The following MYZAP variants were observed in gnomAD, a reference collection of about 807,000 sequenced individuals.
MYZAP encodes myocardial zonula adherens protein, also known as GRINL1A complex locus upstream.
MYZAP carries 66 observed loss-of-function variants against 69.4 expected under a neutral mutation model. The observed-to-expected ratio is 0.95, with a 90% CI of 0.78 to 1.17. MYZAP has a LOEUF of 1.17. Among genes scored for constraint, MYZAP ranks in the 50% most tolerant of loss-of-function variants. MYZAP has a pLI of 0.00. For synonymous variants in MYZAP, 256 were observed against 205.9 expected (o/e 1.24, Z -2.09); for missense variants, 611 against 556.2 (o/e 1.10, Z -0.99).
chr15:57,660,834 A>G (rs2038255899), intron 10 of MYZAP, among the ~76,000 whole-genome samples: 3 of 152,190 alleles, frequency 2.0e-5, no homozygotes, highest in Non-Finnish European at 4.4e-5. Context: ...AAGATAGAAT[A>G]TATTATAAAA....
rs756584216 is a variant in MYZAP at position 57,684,352 on chromosome 15, G to A, written c.1305-50G>A. The stretch of plus-strand genomic sequence containing the variant: ...TTGTCTTACCATGTGAAGCATATGG[G>A]GGGTTTTGTTTTGTTTCATTTTCCT... On this transcript the variant is annotated intron_variant, in intron 12 of 12. Coordinates refer to ENST00000267853, the MANE Select transcript of MYZAP (RefSeq NM_001018100.5). 23 of 1,202,890 alleles carry A rather than the reference G, an allele frequency of 1.9e-5. No homozygotes were observed. In the Admixed American group the frequency reaches 2.8e-4, roughly 15 times the overall value. 74.5% of individuals were successfully genotyped at this position (1,202,890 alleles called of 1,614,324 possible).
At chr15:57,606,435 G>A (rs558850555) in intron 2 of MYZAP, among the ~76,000 whole-genome samples, 3 of 152,124 alleles carry the variant, frequency 2.0e-5, no homozygotes, top group Admixed American at 1.3e-4. Flanking sequence ...AAAAAGATGA[G>A]AATTTGTTGC....
At chr15:57,602,422 T>G (rs116313250) in intron 1 of MYZAP, among the ~76,000 whole-genome samples, 1,780 of 152,288 alleles carry the variant, frequency 0.012, 40 homozygotes, top group African/African-American at 0.04. Flanking sequence ...CCTGTATGTG[T>G]GTCTCTCCCC....
At chr15:57,629,433 A>G (rs1360007462) in intron 5 of MYZAP, among the ~76,000 whole-genome samples, 1 of 152,200 alleles carries the variant, frequency 6.6e-6, no homozygotes, top group Non-Finnish European at 1.5e-5. Context: ...ATCCATTTCC[A>G]TCCATCCTAA....
At chr15:57,619,932 C>A (rs1427282480) in intron 3 of MYZAP, among the ~76,000 whole-genome samples, 1 of 152,080 alleles carries the variant, frequency 6.6e-6, no homozygotes, top group African/African-American at 2.4e-5. Flanking sequence ...TACCACCCTC[C>A]ACTGTGATCC....
chr15:57,608,582 A>C (rs1248398179), intron 2 of MYZAP, among the ~76,000 whole-genome samples: 1 of 152,186 alleles, frequency 6.6e-6, no homozygotes, highest in Non-Finnish European at 1.5e-5. Flanking sequence ...TCCCAAATGC[A>C]CAGCTTCCTC....
At position 57,621,741 on chromosome 15, in the gene MYZAP, G is replaced by C. The variant is rs749809839; in HGVS notation, c.411+41G>C. 5.0e-6 allele frequency: 8 copies of C among 1,605,110 alleles called. No homozygotes were observed. In the African/African-American group the frequency reaches 5.4e-5, roughly 11 times the overall value. On this transcript the variant is annotated intron_variant, in intron 4 of 12. Coordinates refer to ENST00000267853, the MANE Select transcript of MYZAP (RefSeq NM_001018100.5). ...AGTTGCTTGGAGATAGGGAGGCATGGCAGGCTCAGAGTGGTCCCTCAGTGG... is the reference window on the plus strand; with the variant it reads ...AGTTGCTTGGAGATAGGGAGGCATGCCAGGCTCAGAGTGGTCCCTCAGTGG...
intron 10 of MYZAP, chr15:57,647,287 T>G: frequency 1.0e-6 from 1 of 985,434 alleles, no homozygotes; most frequent in African/African-American, 1.7e-5. Context: ...GGTGCTGTGT[T>G]TAGACACAGA....
intron 10 of MYZAP, among the ~76,000 whole-genome samples, chr15:57,655,239 T>A (rs1430871020): frequency 6.6e-6 from 1 of 152,082 alleles, no homozygotes; most frequent in Non-Finnish European, 1.5e-5. Context: ...GAGGCATTCC[T>A]AATGGAGCCA....
chr15:57,645,059 C>T (rs925642747), intron 10 of MYZAP, among the ~76,000 whole-genome samples: 6 of 152,182 alleles, frequency 3.9e-5, no homozygotes, highest in African/African-American at 9.7e-5. Context: ...GTACAGAAGA[C>T]GTTACACTTG....
intron 4 of MYZAP, among the ~76,000 whole-genome samples, chr15:57,624,889 C>T (rs577940992): frequency 5.3e-5 from 8 of 152,268 alleles, no homozygotes; most frequent in African/African-American, 1.9e-4. Context: ...TGTGCCGGGG[C>T]TGCTTTCTGC....
At chr15:57,682,328 A>C (rs2039486874) in intron 12 of MYZAP, among the ~76,000 whole-genome samples, 2 of 152,146 alleles carry the variant, frequency 1.3e-5, no homozygotes, top group Non-Finnish European at 2.9e-5. Context: ...CACATGGCCC[A>C]CCTAATGGCA....
At chr15:57,607,546 C>T (rs1266842101) in intron 2 of MYZAP, among the ~76,000 whole-genome samples, 1 of 152,172 alleles carries the variant, frequency 6.6e-6, no homozygotes, top group Non-Finnish European at 1.5e-5. Flanking sequence ...TCCTCCCAGT[C>T]TCCCTTTACC....
chr15:57,609,158 T>C (rs2140350910), intron 2 of MYZAP, among the ~76,000 whole-genome samples: 1 of 152,374 alleles, frequency 6.6e-6, no homozygotes, highest in Non-Finnish European at 1.5e-5. Flanking sequence ...TGAGTCTTTT[T>C]ATTCTCTCTT....
intron 10 of MYZAP, among the ~76,000 whole-genome samples, chr15:57,654,105 G>A (rs2037878122): frequency 7.0e-6 from 1 of 141,896 alleles, no homozygotes; most frequent in East Asian, 2.2e-4. Flanking sequence ...TTCCTAAGCT[G>A]TGACCATTCA....
chr15:57,628,456 G>C (rs1462594958), intron 5 of MYZAP, among the ~76,000 whole-genome samples: 1 of 151,742 alleles, frequency 6.6e-6, no homozygotes, highest in African/African-American at 2.4e-5. Context: ...TTTTTTTGTA[G>C]TTGCCCAGGC....
At chr15:57,612,154 A>G (rs760437756) in intron 2 of MYZAP, among the ~76,000 whole-genome samples, 6 of 152,224 alleles carry the variant, frequency 3.9e-5, no homozygotes, top group Non-Finnish European at 7.3e-5. Flanking sequence ...CTCTGTGCTC[A>G]GCAGTCCCAG....
intron 10 of MYZAP, chr15:57,646,324 T>G (rs1215054505): frequency 1.7e-6 from 2 of 1,203,378 alleles, no homozygotes; most frequent in African/African-American, 3.2e-5. Context: ...GAAGGACATA[T>G]TATTTAAAGG....
chr15:57,664,518 G>A (rs1430334055), intron 11 of MYZAP, among the ~76,000 whole-genome samples: 10 of 152,306 alleles, frequency 6.6e-5, no homozygotes, highest in Middle Eastern at 3.4e-3. Flanking sequence ...ATGCTGACAC[G>A]TTGCTGCCCA....
Sources: allele counts gnomAD v4.1 joint callset (sites outside exome capture counted in the v4.1 genomes callset), GRCh38; gene constraint gnomAD v4.1.1; transcripts MANE v1.5; gene names NCBI Gene and HGNC (gene_info 2026-07-23, HGNC 2026-07-21).